The following RBFOX1 variants were observed in gnomAD, a reference collection of about 807,000 sequenced individuals.
The protein encoded by RBFOX1 is RNA binding fox-1 homolog 1.
In RBFOX1, 8 loss-of-function variants were observed where a neutral mutation model predicts 57.7. The ratio of observed to expected loss-of-function variants is 0.14; its 90% CI spans 0.08 to 0.25. The LOEUF (loss-of-function observed/expected upper bound fraction) is 0.25. Among genes scored for constraint, RBFOX1 ranks in the 10% least tolerant of loss-of-function variants. The pLI, the probability that RBFOX1 is intolerant of heterozygous loss-of-function variation, is 1.00. For missense variants in RBFOX1, 611 were observed against 548.5 expected, an observed-to-expected ratio of 1.11 and a Z score of -1.14; for synonymous variants, 326 against 222.4, an observed-to-expected ratio of 1.47 and a Z score of -4.15.
chr16:6,082,285 A>G (rs1597120480), intron 1 of RBFOX1, among the ~76,000 whole-genome samples: 1 of 129,566 alleles, frequency 7.7e-6, no homozygotes, highest in Non-Finnish European at 1.6e-5. Context: ...GATTCAAGCG[A>G]TTCTCCTGCC....
intron 3 of RBFOX1, among the ~76,000 whole-genome samples, chr16:5,797,701 C>G (rs1264646065): frequency 6.6e-6 from 1 of 152,104 alleles, no homozygotes; most frequent in Admixed American, 6.5e-5. Flanking sequence ...TGGTCAGAGG[C>G]CATATCTAAA....
chr16:7,350,931 T>C (rs1241110584), intron 4 of RBFOX1, among the ~76,000 whole-genome samples: 2 of 152,214 alleles, frequency 1.3e-5, no homozygotes, highest in African/African-American at 4.8e-5. Context: ...AGGGGTTACA[T>C]GCAAACCTGC....
intron 4 of RBFOX1, among the ~76,000 whole-genome samples, chr16:7,463,197 G>T (rs1201589685): frequency 6.6e-6 from 1 of 152,076 alleles, no homozygotes; most frequent in African/African-American, 2.4e-5. Flanking sequence ...GCTCTCTGGA[G>T]TGTCTTTTAA....
intron 4 of RBFOX1, among the ~76,000 whole-genome samples, chr16:7,094,301 G>T (rs1334402945): frequency 6.6e-6 from 1 of 152,104 alleles, no homozygotes; most frequent in African/African-American, 2.4e-5. Context: ...AAGCAATAGA[G>T]CATTGTTTTG....
chr16:5,762,861 G>C (rs1388366948), intron 3 of RBFOX1, among the ~76,000 whole-genome samples: 1 of 152,056 alleles, frequency 6.6e-6, no homozygotes, highest in East Asian at 1.9e-4. Flanking sequence ...GCATGGCTTT[G>C]GCTTGTTTAA....
At chr16:7,149,451 C>A (rs1033724100) in intron 4 of RBFOX1, among the ~76,000 whole-genome samples, 2 of 151,210 alleles carry the variant, frequency 1.3e-5, no homozygotes, top group Non-Finnish European at 2.9e-5. Flanking sequence ...TGCAAGCTTC[C>A]TGTGGCTCTT....
At chr16:5,463,101 A>G (rs2068842233) in intron 1 of RBFOX1, among the ~76,000 whole-genome samples, 1 of 152,226 alleles carries the variant, frequency 6.6e-6, no homozygotes, top group Admixed American at 6.5e-5. Context: ...TTGCATTTTT[A>G]GGAAAATGGT....
At chr16:5,334,406 T>A (rs1258364523) in intron 1 of RBFOX1, among the ~76,000 whole-genome samples, 1 of 152,162 alleles carries the variant, frequency 6.6e-6, no homozygotes, top group African/African-American at 2.4e-5. Context: ...TCAAGATGGC[T>A]ATGTTCCTGC....
chr16:5,825,102 A>T lies in RBFOX1; in HGVS notation c.319-42201A>T, dbSNP rs545400267. On this transcript the variant is annotated intron_variant, in intron 3 of 19. Coordinates refer to the RBFOX1 transcript ENST00000641259. Reference sequence around the variant, plus strand: ...GAGCATCAACACAGGAAGGAATTGGAGGTGGTCTGTTGTCATGGTTAAGTG... The same window carrying T: ...GAGCATCAACACAGGAAGGAATTGGTGGTGGTCTGTTGTCATGGTTAAGTG... 1.2e-4 allele frequency among the ~76,000 whole-genome samples: 18 copies of T among 152,320 alleles called. No homozygotes were observed. The South Asian group carries it at 3.7e-3, about 32-fold the overall frequency.
At chr16:6,805,920 A>G (rs1327092796) in intron 3 of RBFOX1, among the ~76,000 whole-genome samples, 1 of 152,106 alleles carries the variant, frequency 6.6e-6, no homozygotes, top group South Asian at 2.1e-4. Flanking sequence ...TTCTTTACTC[A>G]TTGCTTTAGT....
intron 4 of RBFOX1, among the ~76,000 whole-genome samples, chr16:7,170,063 G>C (rs1436424674): frequency 1.3e-5 from 2 of 152,134 alleles, no homozygotes; most frequent in Non-Finnish European, 2.9e-5. Flanking sequence ...GATAGAGGAA[G>C]ACCCTGTCTC....
rs187868648 is a variant in RBFOX1, at chr16:7,329,570, C to T, written c.28-188577C>T. Reference sequence around the variant, plus strand: ...TTGTTTAGTAGTTGTTATTTATTTACAGGCTTTATGATTAGTGGAAGGTTT... The same window carrying T: ...TTGTTTAGTAGTTGTTATTTATTTATAGGCTTTATGATTAGTGGAAGGTTT... On this transcript the variant is annotated intron_variant, in intron 4 of 15. Coordinates refer to ENST00000550418, the MANE Select transcript of RBFOX1 (RefSeq NM_018723.4). Among the ~76,000 whole-genome samples, 33 of 152,314 alleles carry T rather than the reference C, an allele frequency of 2.2e-4. No individual in the cohort carries two copies. The East Asian group carries it at 5.0e-3, about 23-fold the overall frequency.
chr16:7,256,461 G>C (rs570247646), intron 4 of RBFOX1, among the ~76,000 whole-genome samples: 43 of 152,270 alleles, frequency 2.8e-4, no homozygotes, highest in African/African-American at 8.9e-4. Flanking sequence ...CATTATTGCT[G>C]ACCTTTCACC....
At chr16:6,599,743 G>A (rs780569686) in intron 2 of RBFOX1, among the ~76,000 whole-genome samples, 3 of 152,170 alleles carry the variant, frequency 2.0e-5, no homozygotes, top group African/African-American at 7.2e-5. Context: ...TCACCACCTA[G>A]TTAAGCCATC....
At chr16:7,042,566 A>G (rs948303684) in intron 3 of RBFOX1, among the ~76,000 whole-genome samples, 6 of 152,248 alleles carry the variant, frequency 3.9e-5, no homozygotes, top group Non-Finnish European at 8.8e-5. Context: ...TGTTTAGCAC[A>G]TTTTATGACA....
intron 3 of RBFOX1, among the ~76,000 whole-genome samples, chr16:6,664,484 A>G (rs1307309723): frequency 6.6e-6 from 1 of 152,166 alleles, no homozygotes; most frequent in Non-Finnish European, 1.5e-5. Context: ...CTCAGTAAGA[A>G]CTTGTGGATG....
intron 5 of RBFOX1, among the ~76,000 whole-genome samples, chr16:7,560,838 T>A (rs557349886): frequency 6.6e-6 from 1 of 152,342 alleles, no homozygotes; most frequent in East Asian, 1.9e-4. Context: ...GACCTAAACA[T>A]TTGCTCCTGA....
At chr16:7,105,443 C>G (rs2063407536) in intron 4 of RBFOX1, among the ~76,000 whole-genome samples, 2 of 152,098 alleles carry the variant, frequency 1.3e-5, no homozygotes, top group South Asian at 2.1e-4. Flanking sequence ...GCAGTATACA[C>G]TGCACCCAAT....
Position 6,685,507 on chromosome 16 carries a change from C to T in RBFOX1, c.-16+30857C>T, listed in dbSNP as rs185131103. ...TTTGCCGTGTTCGCCAGGCTGCTGTCGAACTCCTCACCTCCGGTGATCCGC... is the reference window on the plus strand; with the variant it reads ...TTTGCCGTGTTCGCCAGGCTGCTGTTGAACTCCTCACCTCCGGTGATCCGC... On this transcript the variant is annotated intron_variant, in intron 3 of 15. Transcript: ENST00000550418. Among the ~76,000 whole-genome samples the T allele has an allele frequency of 1.1e-4, 16 of 143,064 alleles. No homozygotes were observed. In the East Asian group the frequency reaches 2.5e-3, roughly 22 times the overall value. 93.9% of individuals were successfully genotyped at this position (143,064 alleles called of 152,430 possible).
Sources: allele counts gnomAD v4.1 joint callset (sites outside exome capture counted in the v4.1 genomes callset), GRCh38; gene constraint gnomAD v4.1.1; transcripts MANE v1.5; gene names NCBI Gene and HGNC (gene_info 2026-07-23, HGNC 2026-07-21).